The following VPS50 variants were observed in gnomAD, a reference collection of about 807,000 sequenced individuals.
VPS50 encodes the protein syndetin.
Under a neutral mutation model 139.7 loss-of-function variants are expected in VPS50, and 70 were observed. The observed-to-expected ratio is 0.50, with a 90% CI of 0.41 to 0.61. The LOEUF is 0.61. Among genes scored for constraint, VPS50 ranks in the 20% least tolerant of loss-of-function variants. The pLI, the probability that VPS50 is intolerant of heterozygous loss-of-function variation, is 0.00. For synonymous variants in VPS50, 365 were observed against 376.7 expected (o/e 0.97, Z 0.36); for missense variants, 921 against 1,133.7 (o/e 0.81, Z 2.69).
At chr7:93,302,526 T>C (rs1797007362) in intron 16 of VPS50, among the ~76,000 whole-genome samples, 1 of 152,168 alleles carries the variant, frequency 6.6e-6, no homozygotes, top group Admixed American at 6.5e-5. Flanking sequence ...TTGTTTTTCT[T>C]ATTGCAGTTA....
chr7:93,300,645 C>A (rs965444363), intron 16 of VPS50, among the ~76,000 whole-genome samples: 4 of 151,972 alleles, frequency 2.6e-5, no homozygotes, highest in African/African-American at 4.8e-5. Context: ...AAAAATTCTA[C>A]CCCAGCTCAT....
intron 21 of VPS50, among the ~76,000 whole-genome samples, chr7:93,331,933 G>A (rs1584478587): frequency 6.6e-6 from 1 of 152,262 alleles, no homozygotes; most frequent in Non-Finnish European, 1.5e-5. Flanking sequence ...CACTGCAAAA[G>A]AAGATATGAG....
chr7:93,345,917 C>T (rs1250817950), intron 23 of VPS50, among the ~76,000 whole-genome samples: 1 of 152,134 alleles, frequency 6.6e-6, no homozygotes, highest in Non-Finnish European at 1.5e-5. Context: ...AAAACTGGCA[C>T]AAGACAGGGA....
intron 20 of VPS50, among the ~76,000 whole-genome samples, chr7:93,312,301 G>A (rs1797291966): frequency 6.6e-6 from 1 of 152,172 alleles, no homozygotes; most frequent in South Asian, 2.1e-4. Context: ...TGAACATAGT[G>A]TCAGAAATAA....
intron 12 of VPS50, among the ~76,000 whole-genome samples, chr7:93,289,896 T>TG (rs1037390840): frequency 2.0e-5 from 3 of 152,062 alleles, no homozygotes; most frequent in Admixed American, 1.3e-4. Context: ...ATTGACATCT[T>TG]GATGATGTTG....
chr7:93,345,123 G>A lies in VPS50; in HGVS notation c.2207+3548G>A, dbSNP rs10249311. Among the ~76,000 whole-genome samples the A allele has an allele frequency of 3.2e-3, 494 of 152,210 alleles. 5 individuals carry two copies. Among genetic ancestry groups the A allele is most frequent in the African/African-American group, 0.011 (464 of 41,520 alleles). ...AAAAAGAGAGAAGAATCAAATAGAT[G>A]CAATAATAAATGATAAAGGGGATAT... On this transcript the variant is annotated intron_variant, in intron 23 of 27. Transcript: ENST00000305866.
chr7:93,260,366 T>C lies in VPS50; in HGVS notation c.659+734T>C, dbSNP rs571171046. Among the ~76,000 whole-genome samples, 16 of 152,236 alleles carry C rather than the reference T, an allele frequency of 1.1e-4. No individual in the cohort carries two copies. In the South Asian group the frequency reaches 2.7e-3, roughly 26 times the overall value. ...TAAAATAGTGTGCTTGCCAAACAAATCTAGTTTCGAATTAAATTCATACCC... is the reference window on the plus strand; with the variant it reads ...TAAAATAGTGTGCTTGCCAAACAAACCTAGTTTCGAATTAAATTCATACCC... On this transcript the variant is annotated intron_variant, in intron 9 of 27. Transcript: ENST00000305866.
intron 2 of VPS50, among the ~76,000 whole-genome samples, chr7:93,242,089 A>G (rs1175509811): frequency 6.6e-6 from 1 of 151,984 alleles, no homozygotes; most frequent in Non-Finnish European, 1.5e-5. Flanking sequence ...ATCTTAAAAA[A>G]AAAATCACAA....
At chr7:93,319,850 T>G (rs1797548468) in intron 20 of VPS50, among the ~76,000 whole-genome samples, 1 of 152,144 alleles carries the variant, frequency 6.6e-6, no homozygotes, top group Non-Finnish European at 1.5e-5. Context: ...TCCCACAGTA[T>G]TGTCTTTTGC....
intron 26 of VPS50, among the ~76,000 whole-genome samples, chr7:93,355,135 AG>A (rs1394530057): frequency 6.7e-6 from 1 of 149,868 alleles, no homozygotes; most frequent in Non-Finnish European, 1.5e-5. Context: ...AAAAAAAAAA[AG>A]CTTGGTCATT....
chr7:93,284,661 T>C (rs1796430200), intron 12 of VPS50, among the ~76,000 whole-genome samples: 1 of 152,246 alleles, frequency 6.6e-6, no homozygotes, highest in Non-Finnish European at 1.5e-5. Context: ...AGGAAAGTTT[T>C]GCTAAAAGCA....
At chr7:93,285,831 G>A (rs1796467187) in intron 12 of VPS50, among the ~76,000 whole-genome samples, 1 of 152,194 alleles carries the variant, frequency 6.6e-6, no homozygotes, top group African/African-American at 2.4e-5. Flanking sequence ...GGAATGTGAA[G>A]CATAGTGGAA....
intron 12 of VPS50, among the ~76,000 whole-genome samples, chr7:93,278,391 C>A (rs1386043389): frequency 2.0e-5 from 3 of 151,570 alleles, no homozygotes; most frequent in African/African-American, 4.8e-5. Flanking sequence ...GGGTTCAAGA[C>A]CAGCCTGGAC....
At chr7:93,303,776 A>G (rs1265781930) in intron 17 of VPS50, among the ~76,000 whole-genome samples, 2 of 151,864 alleles carry the variant, frequency 1.3e-5, no homozygotes, top group Non-Finnish European at 3.0e-5. Context: ...TACATACTTT[A>G]GGAAATCTCT....
At chr7:93,254,445 G>A (rs35504285) in intron 4 of VPS50, among the ~76,000 whole-genome samples, 22,131 of 151,922 alleles carry the variant, frequency 0.15, 1,733 homozygotes, top group South Asian at 0.2. Context: ...TTTTTTTAAC[G>A]TTTTGTAGAG....
intron 12 of VPS50, among the ~76,000 whole-genome samples, chr7:93,278,176 T>C (rs73218090): frequency 0.042 from 6,342 of 152,282 alleles, 174 homozygotes; most frequent in African/African-American, 0.064. Context: ...TCATGCTTCA[T>C]GAGAAAGCCC....
chr7:93,343,435 C>A (rs1798288684), intron 23 of VPS50, among the ~76,000 whole-genome samples: 1 of 152,002 alleles, frequency 6.6e-6, no homozygotes, highest in Non-Finnish European at 1.5e-5. Context: ...GAGAACTTCC[C>A]CAATCTAGCA....
chr7:93,240,217 GCACACA>G (rs371902647), intron 2 of VPS50, among the ~76,000 whole-genome samples: 4,110 of 142,370 alleles, frequency 0.029, 72 homozygotes, highest in Non-Finnish European at 0.043. Flanking sequence ...ATATGTGTAT[GCACACA>G]CACACACACA....
chr7:93,248,215 A>G (rs1229842482), intron 2 of VPS50, among the ~76,000 whole-genome samples: 1 of 151,878 alleles, frequency 6.6e-6, no homozygotes, highest in Non-Finnish European at 1.5e-5. Flanking sequence ...TTCTTAAATC[A>G]TATGTTTAAG....
Sources: gnomAD v4.1 joint callset for allele counts (sites outside exome capture counted in the v4.1 genomes callset) on GRCh38, gnomAD v4.1.1 for gene constraint, MANE v1.5 for transcripts, NCBI Gene and HGNC (gene_info 2026-07-23, HGNC 2026-07-21) for gene names.